The following COL25A1 variants were observed in gnomAD, a reference collection of about 807,000 sequenced individuals.
COL25A1 encodes collagen type XXV alpha 1 chain.
A neutral mutation model predicts 128.4 loss-of-function variants in COL25A1; 103 were observed. The ratio of observed to expected loss-of-function variants is 0.80; its 90% CI spans 0.68 to 0.94. COL25A1 has a LOEUF of 0.94. COL25A1 is among the 40% of genes least tolerant of loss of function. The pLI, the probability that COL25A1 is intolerant of heterozygous loss-of-function variation, is 0.00. For synonymous variants in COL25A1, 279 were observed against 277.2 expected, an observed-to-expected ratio of 1.01 and a Z score of -0.06; for missense variants, 745 against 840.0, an observed-to-expected ratio of 0.89 and a Z score of 1.40.
chr4:109,163,126 G>A (rs888947188), intron 3 of COL25A1, among the ~76,000 whole-genome samples: 16 of 152,070 alleles, frequency 1.1e-4, no homozygotes, highest in African/African-American at 3.6e-4. Context: ...GCTTCCCTAG[G>A]TTTGTACTCC....
chr4:109,010,310 G>C, intron 6 of COL25A1, 48 bp downstream of exon 6: 1 of 1,484,540 alleles, frequency 6.7e-7, no homozygotes, highest in South Asian at 1.2e-5. Context: ...CCTCCACACT[G>C]GGAAAATCCT....
At chr4:109,008,367 A>G (rs553828157) in intron 6 of COL25A1, among the ~76,000 whole-genome samples, 1 of 152,302 alleles carries the variant, frequency 6.6e-6, no homozygotes, top group South Asian at 2.1e-4. Context: ...TCCACAGCAG[A>G]AACTTGCTAA....
intron 3 of COL25A1, among the ~76,000 whole-genome samples, chr4:109,088,015 T>C (rs1448181310): frequency 6.6e-6 from 1 of 151,028 alleles, no homozygotes; most frequent in Non-Finnish European, 1.5e-5. Context: ...GGACTCTAAG[T>C]TTCCTTTTTT....
chr4:109,021,054 G>A (rs772614188), intron 5 of COL25A1, among the ~76,000 whole-genome samples: 2 of 152,170 alleles, frequency 1.3e-5, no homozygotes, highest in Non-Finnish European at 2.9e-5. Context: ...GCCGCATGCC[G>A]CAGCTCCCAG....
intron 5 of COL25A1, among the ~76,000 whole-genome samples, chr4:109,012,045 C>T (rs1756644061): frequency 6.6e-6 from 1 of 152,230 alleles, no homozygotes; most frequent in South Asian, 2.1e-4. Context: ...TAGGGTCTCA[C>T]TCTGTTGCCC....
chr4:108,835,861 C>CA (rs1733730078), intron 31 of COL25A1, among the ~76,000 whole-genome samples: 1 of 45,698 alleles, frequency 2.2e-5, no homozygotes, highest in African/African-American at 9.7e-5. Flanking sequence ...TTACATACGT[C>CA]TTTTTTTTTT....
intron 19 of COL25A1, among the ~76,000 whole-genome samples, chr4:108,875,259 C>T (rs11939808): frequency 0.043 from 6,533 of 152,154 alleles, 381 homozygotes; most frequent in African/African-American, 0.13. Flanking sequence ...GAAACTACCA[C>T]CAGAGTGAAC....
At chr4:109,227,519 A>G (rs1241538395) in intron 3 of COL25A1, among the ~76,000 whole-genome samples, 2 of 152,244 alleles carry the variant, frequency 1.3e-5, no homozygotes, top group Non-Finnish European at 2.9e-5. Context: ...CAAATTTTGT[A>G]ACTATAAACT....
chr4:109,030,640 G>C (rs2077659), intron 5 of COL25A1, among the ~76,000 whole-genome samples: 74,439 of 151,752 alleles, frequency 0.49, 19,964 homozygotes, highest in African/African-American at 0.69. Context: ...CTTTGAGGTA[G>C]GTCAAAGGCC....
chr4:109,288,754 C>T (rs1724136849), intron 3 of COL25A1, among the ~76,000 whole-genome samples: 1 of 152,018 alleles, frequency 6.6e-6, no homozygotes, highest in Non-Finnish European at 1.5e-5. Context: ...ATGTAAATCA[C>T]ACCAGTAATG....
intron 3 of COL25A1, among the ~76,000 whole-genome samples, chr4:109,223,621 T>C (rs1237567616): frequency 6.7e-6 from 1 of 148,544 alleles, no homozygotes; most frequent in African/African-American, 2.5e-5. Context: ...ATGACCTTCA[T>C]TTGGATAAAG....
intron 22 of COL25A1, 60 bp downstream of exon 22, chr4:108,862,441 G>T: frequency 7.6e-7 from 1 of 1,311,408 alleles, no homozygotes; most frequent in Non-Finnish European, 1.1e-6. Flanking sequence ...TGTGGCAAAG[G>T]CAAAAAGCAC....
At chr4:109,010,460 G>A in intron 5 of COL25A1, 85 bp from the exon 6 acceptor site, 1 of 911,436 alleles carries the variant, frequency 1.1e-6, no homozygotes, top group South Asian at 1.6e-5. Context: ...ACTAGTTCTG[G>A]AAATATTCAC....
At chr4:108,953,656 T>C (rs775266956) in intron 8 of COL25A1, among the ~76,000 whole-genome samples, 1 of 152,154 alleles carries the variant, frequency 6.6e-6, no homozygotes, top group Non-Finnish European at 1.5e-5. Context: ...AGACCTAGTG[T>C]GGCTACATCT....
intron 3 of COL25A1, among the ~76,000 whole-genome samples, chr4:109,259,596 C>T (rs1781297537): frequency 6.6e-6 from 1 of 152,168 alleles, no homozygotes; most frequent in Non-Finnish European, 1.5e-5. Flanking sequence ...CCTAGTTTTG[C>T]TGCAGTAGAA....
At chr4:108,863,697 C>A (rs1410034874) in intron 20 of COL25A1, among the ~76,000 whole-genome samples, 1 of 152,108 alleles carries the variant, frequency 6.6e-6, no homozygotes, top group African/African-American at 2.4e-5. Flanking sequence ...TGACTGAGTA[C>A]GGAAGATCTA....
At chr4:108,846,685 A>G (rs1473316857) in intron 27 of COL25A1, among the ~76,000 whole-genome samples, 1 of 152,082 alleles carries the variant, frequency 6.6e-6, no homozygotes, top group Non-Finnish European at 1.5e-5. Context: ...AGTCACAATG[A>G]GTTTTCAATG....
At chr4:108,951,634 C>A (rs1406119376) in intron 8 of COL25A1, among the ~76,000 whole-genome samples, 1 of 152,186 alleles carries the variant, frequency 6.6e-6, no homozygotes, top group Non-Finnish European at 1.5e-5. Context: ...GATCTACACA[C>A]CTTGGCCTCC....
At chr4:109,041,184 G>T (rs569972651) in intron 5 of COL25A1, among the ~76,000 whole-genome samples, 1 of 152,000 alleles carries the variant, frequency 6.6e-6, no homozygotes, top group Admixed American at 6.6e-5. Flanking sequence ...CAAGAGAAAC[G>T]GTACAAGGAA....
Sources: gnomAD v4.1 joint callset for allele counts (sites outside exome capture counted in the v4.1 genomes callset) on GRCh38, gnomAD v4.1.1 for gene constraint, MANE v1.5 for transcripts, NCBI Gene and HGNC (gene_info 2026-07-23, HGNC 2026-07-21) for gene names.